JAKMIP1: variants seen among roughly 807,000 people sequenced by gnomAD.
JAKMIP1 encodes the protein janus kinase and microtubule interacting protein 1.
JAKMIP1 carries 33 observed loss-of-function variants against 113.0 expected under a neutral mutation model. The ratio of observed to expected loss-of-function variants is 0.29; its 90% confidence interval spans 0.22 to 0.39. The LOEUF is 0.39. JAKMIP1 is among the 10% of genes least tolerant of loss of function. JAKMIP1 has a pLI of 1.00. For synonymous variants in JAKMIP1, 480 were observed against 459.9 expected, an observed-to-expected ratio of 1.04 and a Z score of -0.56; for missense variants, 813 against 1,080.5, an observed-to-expected ratio of 0.75 and a Z score of 3.47.
chr4:6,050,830 G>A lies in JAKMIP1; in HGVS notation c.1807-151C>T, dbSNP rs1715567890. 6.6e-6 allele frequency among the ~76,000 whole-genome samples: 1 copy of A among 152,200 alleles called. No homozygotes were observed. The highest frequency in any genetic ancestry group is 2.1e-4 in the South Asian group (1 of 4,824). On this transcript the variant is annotated intron_variant, in intron 13 of 20. Coordinates refer to ENST00000409021, the MANE Select transcript of JAKMIP1 (RefSeq NM_001099433.2). The surrounding 1 kb of genome is among the most constrained non-coding windows in gnomAD (Gnocchi z 7.4). Reference sequence around the variant, plus strand: ...TCGGACTAGAAGCAGCCTCGTCCGTGAGCTACGACGTTTTCACGCCTTCCC... The same window carrying A: ...TCGGACTAGAAGCAGCCTCGTCCGTAAGCTACGACGTTTTCACGCCTTCCC...
rs1366569079 is a variant in JAKMIP1 at position 6,192,286 on chromosome 4, T to G, written c.-148+7967A>C. Among the ~76,000 whole-genome samples the G allele has an allele frequency of 2.0e-5, 3 of 152,262 alleles. No individual in the cohort carries two copies. The highest frequency in any genetic ancestry group is 1.9e-4 in the East Asian group (1 of 5,170). On this transcript the variant is annotated intron_variant, in intron 1 of 20. Coordinates refer to ENST00000409021, the MANE Select transcript of JAKMIP1 (RefSeq NM_001099433.2). This position sits in a 1 kb window ranked among gnomAD's most constrained non-coding sequence, Gnocchi z 5.0. ...TCAGTCCACAGGAGCCGCATTGCAG[T>G]GCTCAATAGCCCCTACCGGCGAGTG...
chr4:6,180,699 A>G lies in JAKMIP1; in HGVS notation c.-148+19554T>C, dbSNP rs749236147. Among the ~76,000 whole-genome samples, 4 of 152,176 alleles carry G rather than the reference A, an allele frequency of 2.6e-5. No individual in the cohort carries two copies. Among genetic ancestry groups the G allele is most frequent in the Non-Finnish European group, 5.9e-5 (4 of 68,020 alleles). On this transcript the variant is annotated intron_variant, in intron 1 of 20. Coordinates refer to ENST00000409021, the MANE Select transcript of JAKMIP1 (RefSeq NM_001099433.2). This position sits in a 1 kb window ranked among gnomAD's most constrained non-coding sequence, Gnocchi z 4.5. Reference sequence around the variant, plus strand: ...CAGCAGGAAGGGGTGAAGTACTTTGACCAACATGACCCAATTAGCAAGTGG... The same window carrying G: ...CAGCAGGAAGGGGTGAAGTACTTTGGCCAACATGACCCAATTAGCAAGTGG...
At chr4:6,117,917 T>G (rs1285620541) in intron 1 of JAKMIP1, among the ~76,000 whole-genome samples, 8 of 152,262 alleles carry the variant, frequency 5.3e-5, no homozygotes, top group African/African-American at 1.7e-4. Context: ...CAATTGCTGT[T>G]ATCCTGTTCT....
intron 1 of JAKMIP1, among the ~76,000 whole-genome samples, chr4:6,169,977 CACT>C (rs1229911342): frequency 6.2e-4 from 73 of 118,638 alleles, no homozygotes; most frequent in Non-Finnish European, 7.7e-4. Context: ...CCACCACCAC[CACT>C]ACCACCACCA....
chr4:6,171,106 T>C (rs1724599363), intron 1 of JAKMIP1, among the ~76,000 whole-genome samples: 1 of 133,022 alleles, frequency 7.5e-6, no homozygotes, highest in Non-Finnish European at 1.6e-5. Flanking sequence ...ACTACCACCA[T>C]CATCACCACC....
Position 6,097,533 on chromosome 4 carries a change from A to T in JAKMIP1, c.624+7940T>A, listed in dbSNP as rs1228144713. Among the ~76,000 whole-genome samples, 1 of 152,196 alleles carries T rather than the reference A, an allele frequency of 6.6e-6. No homozygotes were observed. The highest frequency in any genetic ancestry group is 6.5e-5 in the Admixed American group (1 of 15,280). ...ACCTGCATTTTGACTGCGATCTGTCACAGGAGGTTGGGTGTGCAATTTTCC... is the reference window on the plus strand; with the variant it reads ...ACCTGCATTTTGACTGCGATCTGTCTCAGGAGGTTGGGTGTGCAATTTTCC... On this transcript the variant is annotated intron_variant, in intron 3 of 20. Coordinates refer to ENST00000409021, the MANE Select transcript of JAKMIP1 (RefSeq NM_001099433.2). The surrounding 1 kb of genome is among the most constrained non-coding windows in gnomAD (Gnocchi z 4.3).
rs545248181 is a variant in JAKMIP1 at position 6,067,158 on chromosome 4, G to A, written c.1303-2150C>T. Among the ~76,000 whole-genome samples, 15 of 152,274 alleles carry A rather than the reference G, an allele frequency of 9.9e-5. No individual in the cohort carries two copies. The East Asian group carries it at 2.7e-3, about 27-fold the overall frequency. Reference sequence around the variant, plus strand: ...TGGCAAGCTATTGTGTTTACTGATGGTCTTCCCCCTACCCCTTGAAATGGA... The same window carrying A: ...TGGCAAGCTATTGTGTTTACTGATGATCTTCCCCCTACCCCTTGAAATGGA... On this transcript the variant is annotated intron_variant, in intron 8 of 20. Transcript: ENST00000409021. The surrounding 1 kb of genome is among the most constrained non-coding windows in gnomAD (Gnocchi z 4.6).
rs1229181185 is a variant in JAKMIP1, at chr4:6,031,092, A to T, written c.2380-1311T>A. Among the ~76,000 whole-genome samples the T allele has an allele frequency of 6.6e-6, 1 of 152,226 alleles. No homozygotes were observed. The highest frequency in any genetic ancestry group is 2.4e-5 in the African/African-American group (1 of 41,452). ...CAATTACCGTTCAGACAATAGCAGCATACACATAAATAGAAGGGGCATCAG... is the reference window on the plus strand; with the variant it reads ...CAATTACCGTTCAGACAATAGCAGCTTACACATAAATAGAAGGGGCATCAG... On this transcript the variant is annotated intron_variant, in intron 19 of 20. Coordinates refer to ENST00000409021, the MANE Select transcript of JAKMIP1 (RefSeq NM_001099433.2). The surrounding 1 kb of genome is among the most constrained non-coding windows in gnomAD (Gnocchi z 4.4).
At chr4:6,062,796 G>A (rs1057398445) in intron 9 of JAKMIP1, among the ~76,000 whole-genome samples, 8 of 152,204 alleles carry the variant, frequency 5.3e-5, no homozygotes, top group African/African-American at 1.9e-4. Flanking sequence ...CAGAAGCAAA[G>A]GTCTCCATTG....
chr4:6,179,413 G>A lies in JAKMIP1; in HGVS notation c.-148+20840C>T, dbSNP rs1725763479. 6.6e-6 allele frequency among the ~76,000 whole-genome samples: 1 copy of A among 152,154 alleles called. No individual in the cohort carries two copies. Among genetic ancestry groups the A allele is most frequent in the Non-Finnish European group, 1.5e-5 (1 of 68,020 alleles). ...AGGCAGACTGGATGGAACAGGACAG[G>A]AAGGCTGAGCCCCACACAGGGAGAC... is the stretch of plus-strand genomic sequence containing the variant. On this transcript the variant is annotated intron_variant, in intron 1 of 20. Coordinates refer to ENST00000409021, the MANE Select transcript of JAKMIP1 (RefSeq NM_001099433.2). The surrounding 1 kb of genome is among the most constrained non-coding windows in gnomAD (Gnocchi z 4.5).
chr4:6,063,440 T>G (rs16838159), intron 9 of JAKMIP1, among the ~76,000 whole-genome samples: 1 of 152,128 alleles, frequency 6.6e-6, no homozygotes, highest in Non-Finnish European at 1.5e-5. Context: ...CTGAGTAGCC[T>G]AGTCCAGACC....
chr4:6,029,636 G>T, intron 20 of JAKMIP1, 80 bp downstream of exon 20: 1 of 925,304 alleles, frequency 1.1e-6, no homozygotes, highest in Non-Finnish European at 1.7e-6. Context: ...TCTATGCTTT[G>T]GACCTTATGA....
At position 6,187,112 on chromosome 4, in the gene JAKMIP1, G is replaced by T. The variant is rs990497987; in HGVS notation, c.-148+13141C>A. Among the ~76,000 whole-genome samples, 4 of 152,152 alleles carry T rather than the reference G, an allele frequency of 2.6e-5. No homozygotes were observed. Among genetic ancestry groups the T allele is most frequent in the Non-Finnish European group, 5.9e-5 (4 of 68,038 alleles). On this transcript the variant is annotated intron_variant, in intron 1 of 20. Transcript: ENST00000409021. The surrounding 1 kb of genome is among the most constrained non-coding windows in gnomAD (Gnocchi z 4.2). ...CTCAAAATGCTAGGATTTCAGGCAT[G>T]AGCCACCATGCCCAGCCCACTTCTG...
Position 6,199,326 on chromosome 4 carries a change from G to C in JAKMIP1, c.-148+927C>G, listed in dbSNP as rs1328909236. Among the ~76,000 whole-genome samples the C allele has an allele frequency of 6.6e-6, 1 of 152,228 alleles. No individual in the cohort carries two copies. Among genetic ancestry groups the C allele is most frequent in the Non-Finnish European group, 1.5e-5 (1 of 68,044 alleles). ...GTGTGTGGGAGCGGGATGCTTCTAA[G>C]GCGAAAAGAAGCGCCAGCCTCGTAA... is the stretch of plus-strand genomic sequence containing the variant. On this transcript the variant is annotated intron_variant, in intron 1 of 20. Transcript: ENST00000409021. This position sits in a 1 kb window ranked among gnomAD's most constrained non-coding sequence, Gnocchi z 5.6.
At chr4:6,095,291 A>G (rs1484416364) in intron 3 of JAKMIP1, among the ~76,000 whole-genome samples, 1 of 131,922 alleles carries the variant, frequency 7.6e-6, no homozygotes, top group South Asian at 2.9e-4. Context: ...GGAGGGAGGG[A>G]GGGAGAGAGG....
chr4:6,139,346 C>T lies in JAKMIP1; in HGVS notation c.-147-26349G>A, dbSNP rs567814980. 1.9e-3 allele frequency among the ~76,000 whole-genome samples: 296 copies of T among 152,278 alleles called. 1 individual carries two copies. The highest frequency in any genetic ancestry group is 2.9e-3 in the Non-Finnish European group (194 of 68,022). Reference sequence around the variant, plus strand: ...AAATTGTGTCACTCCCAAATTCATACGCTGAGGTCCTAACCCCCAGTACCC... The same window carrying T: ...AAATTGTGTCACTCCCAAATTCATATGCTGAGGTCCTAACCCCCAGTACCC... On this transcript the variant is annotated intron_variant, in intron 1 of 20. Transcript: ENST00000409021. The surrounding 1 kb of genome is among the most constrained non-coding windows in gnomAD (Gnocchi z 5.2).
intron 1 of JAKMIP1, among the ~76,000 whole-genome samples, chr4:6,122,097 C>T (rs1716793599): frequency 6.6e-6 from 1 of 152,214 alleles, no homozygotes; most frequent in South Asian, 2.1e-4. Context: ...GTAACCTTAG[C>T]ACTTTGGGAG....
chr4:6,045,778 G>C (rs1024695273), intron 16 of JAKMIP1, among the ~76,000 whole-genome samples: 2 of 152,126 alleles, frequency 1.3e-5, no homozygotes, highest in Non-Finnish European at 2.9e-5. Flanking sequence ...GCTGAAGCAC[G>C]AGAATCACTT....
chr4:6,075,956 C>T (rs1719641306), intron 8 of JAKMIP1, among the ~76,000 whole-genome samples: 1 of 152,178 alleles, frequency 6.6e-6, no homozygotes, highest in Non-Finnish European at 1.5e-5. Context: ...GCAGGTGGAT[C>T]ACTTGAGGTC....
Sources: allele counts gnomAD v4.1 joint callset (sites outside exome capture counted in the v4.1 genomes callset), GRCh38; gene constraint gnomAD v4.1.1; non-coding constraint Gnocchi (gnomAD v3.1); transcripts MANE v1.5; gene names NCBI Gene and HGNC (gene_info 2026-07-23, HGNC 2026-07-21).